PCDHGB4: variants seen among roughly 807,000 people sequenced by gnomAD.
PCDHGB4 encodes protocadherin gamma subfamily B, 4.
In PCDHGB4, 38 loss-of-function variants were observed where a neutral mutation model predicts 60.5. The ratio of observed to expected loss-of-function variants is 0.63; its 90% CI spans 0.48 to 0.82. The LOEUF (loss-of-function observed/expected upper bound fraction) is 0.82. Ranked by LOEUF, PCDHGB4 falls within the 40% of genes least tolerant of loss-of-function variation. PCDHGB4 has a pLI of 0.00. For synonymous variants in PCDHGB4, 456 were observed against 509.7 expected (o/e 0.89, Z 1.42); for missense variants, 1,109 against 1,209.6 (o/e 0.92, Z 1.23).
At chr5:141,449,436 A>T (rs1177598228) in intron 1 of PCDHGB4, among the ~76,000 whole-genome samples, 1 of 151,792 alleles carries the variant, frequency 6.6e-6, no homozygotes, top group African/African-American at 2.4e-5. Flanking sequence ...ATAAAACTCC[A>T]TCTCTACTAA....
intron 3 of PCDHGB4, among the ~76,000 whole-genome samples, chr5:141,506,444 C>CAA (rs1219684339): frequency 1.2e-3 from 116 of 94,976 alleles, no homozygotes; most frequent in African/African-American, 4.2e-3. Flanking sequence ...CGCTCTGTCT[C>CAA]AAAAAAAAAA....
chr5:141,477,506 G>T lies in PCDHGB4; in HGVS notation c.2398-17301G>T, dbSNP rs766083208. 6.2e-7 allele frequency: 1 copy of T among 1,614,028 alleles called. No homozygotes were observed. The highest frequency in any genetic ancestry group is 8.5e-7 in the Non-Finnish European group (1 of 1,180,016). On this transcript the variant is annotated intron_variant, in intron 1 of 3. Coordinates refer to ENST00000519479, the MANE Select transcript of PCDHGB4 (RefSeq NM_003736.4). This position sits in a 1 kb window ranked among gnomAD's most constrained non-coding sequence, Gnocchi z 4.9. ...ACAATCTTCTCAATCTTCCTACGAC[G>T]TTTACATTGAAGAAAACAACCTCCC...
chr5:141,423,605 T>G lies in PCDHGB4; in HGVS notation c.2397+33324T>G. The G allele has an allele frequency of 1.6e-5, 26 of 1,612,620 alleles. No individual in the cohort carries two copies. Among genetic ancestry groups the G allele is most frequent in the Non-Finnish European group, 2.0e-5 (24 of 1,179,120 alleles). On this transcript the variant is annotated intron_variant, in intron 1 of 3. Transcript: ENST00000519479. Reference sequence around the variant, plus strand: ...AGCTGTGAGAAAAGCGAGCCACTCTTGATAGCTGAAGACTCAGCTATCATT... The same window carrying G: ...AGCTGTGAGAAAAGCGAGCCACTCTGGATAGCTGAAGACTCAGCTATCATT...
chr5:141,409,706 T>A, intron 1 of PCDHGB4: 1 of 1,613,210 alleles, frequency 6.2e-7, no homozygotes, highest in Non-Finnish European at 8.5e-7. Context: ...CCTGGCGGTG[T>A]CGTCATACGT....
chr5:141,414,726 C>G (rs761022941), intron 1 of PCDHGB4: 5 of 1,614,196 alleles, frequency 3.1e-6, no homozygotes, highest in Non-Finnish European at 4.2e-6. Context: ...ACACTGGCGT[C>G]CTGTATGCAC....
chr5:141,478,633 TGATGAA>T, intron 1 of PCDHGB4: 4 of 1,553,032 alleles, frequency 2.6e-6, no homozygotes, highest in Non-Finnish European at 3.5e-6. Flanking sequence ...GTTTTTTTAG[TGATGAA>T]GATGTTTTCC....
intron 1 of PCDHGB4, among the ~76,000 whole-genome samples, chr5:141,402,590 A>G (rs1379327637): frequency 6.6e-6 from 1 of 152,238 alleles, no homozygotes; most frequent in Admixed American, 6.5e-5. Flanking sequence ...TAAAAAATAG[A>G]TTGCTTTTGA....
chr5:141,491,861 C>A lies in PCDHGB4; in HGVS notation c.2398-2946C>A. ...GGATCATTGGACCGTTTGCGCGAAA[C>A]CAGAGTGGCCGATTAAGGGATGGGG... On this transcript the variant is annotated intron_variant, in intron 1 of 3. Transcript: ENST00000519479. The surrounding 1 kb of genome is among the most constrained non-coding windows in gnomAD (Gnocchi z 6.9). 6.9e-7 allele frequency: 1 copy of A among 1,455,272 alleles called. No homozygotes were observed. The highest frequency in any genetic ancestry group is 9.1e-7 in the Non-Finnish European group (1 of 1,100,930). The allele number at this position is 1,455,272 out of a possible 1,614,324, so 90.1% of individuals were successfully genotyped here.
At position 141,395,542 on chromosome 5, in the gene PCDHGB4, T is replaced by TTG. The variant is rs55729045; in HGVS notation, c.2397+5309_2397+5310dup. On this transcript the variant is annotated intron_variant, in intron 1 of 3. Transcript: ENST00000519479. ...TCCATACTGGTAATTTTGCTATTGT[T>TTG]TGTGTGTGTGTGTGTGTGTGTGTGT... 1.5e-3 allele frequency: 267 copies of TTG among 172,614 alleles called. 1 individual carries two copies. The highest frequency in any genetic ancestry group is 2.3e-3 in the African/African-American group (40 of 17,550). The allele number at this position is 172,614 out of a possible 1,614,324, so 10.7% of individuals were successfully genotyped here.
At chr5:141,452,082 T>C (rs924362905) in intron 1 of PCDHGB4, among the ~76,000 whole-genome samples, 6 of 152,358 alleles carry the variant, frequency 3.9e-5, no homozygotes, top group Admixed American at 6.5e-5. Flanking sequence ...GTTGGCATTA[T>C]ACAGTAAGAA....
chr5:141,417,226 T>A (rs966071761), intron 1 of PCDHGB4: 4 of 152,134 alleles, frequency 2.6e-5, no homozygotes, highest in Admixed American at 1.3e-4. Flanking sequence ...GACAAAAAAA[T>A]TTGTTGCTTA....
chr5:141,510,420 G>A (rs1275392355), intron 3 of PCDHGB4, among the ~76,000 whole-genome samples: 2 of 152,126 alleles, frequency 1.3e-5, no homozygotes, highest in Non-Finnish European at 2.9e-5. Flanking sequence ...TAAAGCCATG[G>A]TTTCATGGCT....
At position 141,419,726 on chromosome 5, in the gene PCDHGB4, A is replaced by AC. The variant is rs757890106; in HGVS notation, c.2397+29446dup. On this transcript the variant is annotated intron_variant, in intron 1 of 3. Coordinates refer to ENST00000519479, the MANE Select transcript of PCDHGB4 (RefSeq NM_003736.4). ...CGGGCTCTTCAGCCTGGGGCTGCGA[A>AC]CAGGCGAGGTGCGCATGGTGCGTGC... 3.1e-6 allele frequency: 5 copies of AC among 1,613,402 alleles called. No individual in the cohort carries two copies. The Admixed American group carries it at 8.3e-5, about 27-fold the overall frequency.
intron 1 of PCDHGB4, among the ~76,000 whole-genome samples, chr5:141,425,003 T>C (rs75915888): frequency 0.036 from 5,431 of 152,274 alleles, 181 homozygotes; most frequent in African/African-American, 0.084. Context: ...AGTTTAGTTT[T>C]CTCATTTAGG....
intron 1 of PCDHGB4, chr5:141,415,028 C>T (rs756347396): frequency 3.1e-6 from 5 of 1,613,524 alleles, no homozygotes; most frequent in Middle Eastern, 1.7e-4. Context: ...GCCAGCGAGC[C>T]GGGACTCTTC....
chr5:141,428,181 A>G, intron 1 of PCDHGB4: 2 of 1,486,230 alleles, frequency 1.3e-6, no homozygotes, highest in Non-Finnish European at 1.8e-6. Flanking sequence ...GACGGAGGAC[A>G]GCCGCCGCTC....
At chr5:141,457,280 A>T (rs964027392) in intron 1 of PCDHGB4, among the ~76,000 whole-genome samples, 1 of 152,196 alleles carries the variant, frequency 6.6e-6, no homozygotes, top group Non-Finnish European at 1.5e-5. Flanking sequence ...TGGGCCTACG[A>T]AGTTCCTTGG....
intron 1 of PCDHGB4, among the ~76,000 whole-genome samples, chr5:141,482,144 G>C (rs564178008): frequency 1.3e-4 from 20 of 151,858 alleles, no homozygotes; most frequent in Admixed American, 9.8e-4. Flanking sequence ...GGCATAAAAA[G>C]GTCAAGTCAA....
At chr5:141,404,779 C>G in intron 1 of PCDHGB4, 1 of 1,613,746 alleles carries the variant, frequency 6.2e-7, no homozygotes, top group Non-Finnish European at 8.5e-7. Context: ...ACCGCCTATT[C>G]AAGGCCAGTG....
Sources: gnomAD v4.1 joint callset for allele counts (sites outside exome capture counted in the v4.1 genomes callset) on GRCh38, gnomAD v4.1.1 for gene constraint, Gnocchi (gnomAD v3.1) non-coding constraint, MANE v1.5 for transcripts, NCBI Gene and HGNC (gene_info 2026-07-23, HGNC 2026-07-21) for gene names.